Variants in PTPRD observed in about 807,000 individuals in gnomAD.
PTPRD encodes the protein protein tyrosine phosphatase receptor type D.
Under a neutral mutation model 214.5 loss-of-function variants are expected in PTPRD, and 34 were observed. The ratio of observed to expected loss-of-function variants is 0.16; its 90% confidence interval spans 0.12 to 0.21. The LOEUF is 0.21. Among genes scored for constraint, PTPRD ranks in the 10% least tolerant of loss-of-function variants. PTPRD has a pLI of 1.00. For missense variants in PTPRD, 2,545 were observed against 2,398.7 expected (o/e 1.06, Z -1.27); for synonymous variants, 1,128 against 845.7 (o/e 1.33, Z -5.79).
intron 37 of PTPRD, among the ~76,000 whole-genome samples, chr9:8,379,997 A>C (rs76060573): frequency 6.6e-6 from 1 of 152,074 alleles, no homozygotes; most frequent in Non-Finnish European, 1.5e-5. Context: ...TGCCCCTAAA[A>C]CACTTAACCC....
At chr9:9,033,948 T>G (rs576979556) in intron 10 of PTPRD, among the ~76,000 whole-genome samples, 7 of 152,230 alleles carry the variant, frequency 4.6e-5, no homozygotes, top group African/African-American at 1.4e-4. Flanking sequence ...AGGGGGAAAC[T>G]CCATTAATTT....
chr9:8,318,066 T>G, intron 45 of PTPRD, 124 bp from the exon 46 acceptor site: 1 of 811,480 alleles, frequency 1.2e-6, no homozygotes, highest in Non-Finnish European at 2.0e-6. Flanking sequence ...ACTACTTTCG[T>G]CAACTGGTCT....
chr9:9,907,411 C>G (rs1041131214), intron 5 of PTPRD, among the ~76,000 whole-genome samples: 3 of 151,830 alleles, frequency 2.0e-5, no homozygotes, highest in Non-Finnish European at 4.4e-5. Flanking sequence ...AATTCAAGAT[C>G]AAGTTGTTGG....
intron 5 of PTPRD, among the ~76,000 whole-genome samples, chr9:9,937,380 G>T (rs1305980128): frequency 6.7e-6 from 1 of 148,386 alleles, no homozygotes; most frequent in African/African-American, 2.5e-5. Context: ...TTTCATGTCA[G>T]AAGTATTTTT....
At chr9:10,552,278 G>T (rs1445879987) in intron 2 of PTPRD, among the ~76,000 whole-genome samples, 2 of 152,048 alleles carry the variant, frequency 1.3e-5, no homozygotes, top group Non-Finnish European at 2.9e-5. Context: ...AGAATTTAAG[G>T]TATCATCATT....
rs1479954661 is a variant in PTPRD, at chr9:8,353,898, A to G, written c.4662-11920T>C. On this transcript the variant is annotated intron_variant, in intron 39 of 45. Coordinates refer to ENST00000381196, the MANE Select transcript of PTPRD (RefSeq NM_002839.4). ...TGTATATATGTGTATATATGTATAT[A>G]TGTATATATGTGTATATATGTATAT... is the stretch of plus-strand genomic sequence containing the variant. Among the ~76,000 whole-genome samples the G allele has an allele frequency of 2.1e-5, 3 of 143,802 alleles. 1 individual carries two copies. The highest frequency in any genetic ancestry group is 5.2e-5 in the African/African-American group (2 of 38,762). 94.3% of individuals were successfully genotyped at this position (143,802 alleles called of 152,430 possible).
chr9:9,316,524 C>G (rs968995307), intron 9 of PTPRD, among the ~76,000 whole-genome samples: 1 of 152,078 alleles, frequency 6.6e-6, no homozygotes, highest in African/African-American at 2.4e-5. Context: ...ACATGATTAA[C>G]CAAATAACTC....
At position 9,091,890 on chromosome 9, in the gene PTPRD, G is replaced by C. The variant is rs113454720; in HGVS notation, c.-142-73155C>G. 3.5e-3 allele frequency among the ~76,000 whole-genome samples: 538 copies of C among 152,278 alleles called. 2 individuals carry two copies. The highest frequency in any genetic ancestry group is 0.012 in the African/African-American group (502 of 41,558). On this transcript the variant is annotated intron_variant, in intron 10 of 45. Coordinates refer to ENST00000381196, the MANE Select transcript of PTPRD (RefSeq NM_002839.4). ...GGTTTTGTGTTGAGTGTGGGAATAA[G>C]ACCTTTGAAAACCTAATTAACAAAA... is the stretch of plus-strand genomic sequence containing the variant.
At chr9:9,443,562 T>C (rs1218062901) in intron 8 of PTPRD, among the ~76,000 whole-genome samples, 1 of 152,222 alleles carries the variant, frequency 6.6e-6, no homozygotes, top group Non-Finnish European at 1.5e-5. Context: ...GGCTGGCCTC[T>C]TCAAGCCCTG....
intron 9 of PTPRD, among the ~76,000 whole-genome samples, chr9:9,394,902 A>G (rs16929280): frequency 0.14 from 21,294 of 152,088 alleles, 1,990 homozygotes; most frequent in African/African-American, 0.26. Context: ...CAATTGCACC[A>G]AAGATCATGT....
chr9:10,414,113 A>C (rs2098464092), intron 2 of PTPRD, among the ~76,000 whole-genome samples: 1 of 152,018 alleles, frequency 6.6e-6, no homozygotes, highest in Non-Finnish European at 1.5e-5. Flanking sequence ...ATGGGATCTA[A>C]TTAAACTTAA....
At chr9:9,020,402 G>C (rs143357616) in intron 10 of PTPRD, among the ~76,000 whole-genome samples, 2 of 152,274 alleles carry the variant, frequency 1.3e-5, no homozygotes, top group African/African-American at 4.8e-5. Context: ...GTGAAATTTT[G>C]TAAGAAAGCT....
intron 2 of PTPRD, among the ~76,000 whole-genome samples, chr9:10,365,329 G>A (rs925645132): frequency 1.3e-5 from 2 of 152,150 alleles, no homozygotes; most frequent in African/African-American, 4.8e-5. Context: ...CGTAACCCCT[G>A]ACTATGTTTC....
chr9:8,999,223 A>C (rs969517009), intron 11 of PTPRD, among the ~76,000 whole-genome samples: 2 of 152,052 alleles, frequency 1.3e-5, no homozygotes, highest in Non-Finnish European at 2.9e-5. Flanking sequence ...CATCACACAC[A>C]ACAGAGAAAT....
At chr9:10,439,741 C>A (rs567634415) in intron 2 of PTPRD, among the ~76,000 whole-genome samples, 1 of 151,866 alleles carries the variant, frequency 6.6e-6, no homozygotes, top group African/African-American at 2.4e-5. Flanking sequence ...CTTTTCACAG[C>A]CCTCTCCCTC....
At chr9:8,842,334 CAT>C (rs959310302) in intron 11 of PTPRD, among the ~76,000 whole-genome samples, 25 of 47,814 alleles carry the variant, frequency 5.2e-4, no homozygotes, top group East Asian at 6.4e-4. Context: ...TTATCAGCAA[CAT>C]ATTTTTTTTC....
intron 3 of PTPRD, among the ~76,000 whole-genome samples, chr9:10,194,339 TATATATAGAGAGAGAG>T (rs1411856022): frequency 2.7e-3 from 181 of 68,106 alleles, no homozygotes; most frequent in African/African-American, 3.7e-3. Flanking sequence ...TATATATATA[TATATATAGAGAGAGAG>T]AGAGAGAGAG....
intron 12 of PTPRD, among the ~76,000 whole-genome samples, chr9:8,660,983 C>T (rs763249619): frequency 2.6e-5 from 4 of 152,044 alleles, no homozygotes; most frequent in Non-Finnish European, 4.4e-5. Context: ...CACACAAACA[C>T]TTGCACTCAC....
intron 5 of PTPRD, among the ~76,000 whole-genome samples, chr9:9,836,995 T>C (rs572693515): frequency 6.6e-6 from 1 of 152,192 alleles, no homozygotes; most frequent in African/African-American, 2.4e-5. Context: ...TAATTGAAGA[T>C]AAACATAAGT....
Sources: allele counts gnomAD v4.1 joint callset (sites outside exome capture counted in the v4.1 genomes callset), GRCh38; gene constraint gnomAD v4.1.1; transcripts MANE v1.5; gene names NCBI Gene and HGNC (gene_info 2026-07-23, HGNC 2026-07-21).